Variants in RBFOX1 observed in about 807,000 individuals in gnomAD.
RBFOX1 encodes RNA binding fox-1 homolog 1.
In RBFOX1, 8 loss-of-function variants were observed where a neutral mutation model predicts 57.7. That is an observed-to-expected ratio of 0.14 (90% confidence interval 0.08 to 0.25). The LOEUF is 0.25. RBFOX1 is among the 10% of genes least tolerant of loss of function. The pLI, the probability that RBFOX1 is intolerant of heterozygous loss-of-function variation, is 1.00. For missense variants in RBFOX1, 611 were observed against 548.5 expected (o/e 1.11, Z -1.14); for synonymous variants, 326 against 222.4 (o/e 1.47, Z -4.15).
intron 2 of RBFOX1, among the ~76,000 whole-genome samples, chr16:6,581,660 C>G (rs1428529085): frequency 1.3e-5 from 2 of 152,178 alleles, no homozygotes; most frequent in Non-Finnish European, 2.9e-5. Flanking sequence ...ATCTATTGAT[C>G]CCCAAGCTGC....
intron 3 of RBFOX1, among the ~76,000 whole-genome samples, chr16:5,680,979 G>A (rs978501628): frequency 2.0e-5 from 3 of 151,884 alleles, no homozygotes; most frequent in Non-Finnish European, 4.4e-5. Flanking sequence ...AACTTGAGAT[G>A]TTTTAAGTGC....
intron 4 of RBFOX1, among the ~76,000 whole-genome samples, chr16:7,177,425 A>T (rs1301617842): frequency 2.0e-5 from 3 of 152,070 alleles, no homozygotes; most frequent in South Asian, 2.1e-4. Flanking sequence ...ATCCTTAAAC[A>T]TTCTATGCAT....
chr16:5,398,096 C>G (rs544957279), intron 1 of RBFOX1, among the ~76,000 whole-genome samples: 1 of 152,174 alleles, frequency 6.6e-6, no homozygotes, highest in Non-Finnish European at 1.5e-5. Flanking sequence ...TGAGATTCAA[C>G]CTAGACGAAG....
intron 3 of RBFOX1, among the ~76,000 whole-genome samples, chr16:5,860,558 G>T (rs1019573897): frequency 1.3e-5 from 2 of 152,128 alleles, no homozygotes; most frequent in Non-Finnish European, 2.9e-5. Flanking sequence ...AGTGTTTCCT[G>T]TTATCCCCAA....
At chr16:5,857,619 G>A (rs944093472) in intron 3 of RBFOX1, among the ~76,000 whole-genome samples, 98 of 152,264 alleles carry the variant, frequency 6.4e-4, no homozygotes, top group African/African-American at 2.2e-3. Flanking sequence ...TGAATCCCCT[G>A]TTGTTAGACA....
At chr16:6,765,140 G>C (rs2077155184) in intron 3 of RBFOX1, among the ~76,000 whole-genome samples, 1 of 152,070 alleles carries the variant, frequency 6.6e-6, no homozygotes, top group South Asian at 2.1e-4. Flanking sequence ...AAACGACAGG[G>C]AATCTGTGAA....
intron 4 of RBFOX1, among the ~76,000 whole-genome samples, chr16:7,203,274 A>G (rs1255359314): frequency 2.6e-5 from 4 of 152,220 alleles, no homozygotes; most frequent in Non-Finnish European, 4.4e-5. Context: ...TATTCTAAGT[A>G]AAATAAGCCA....
intron 1 of RBFOX1, among the ~76,000 whole-genome samples, chr16:5,402,407 G>A (rs1036553768): frequency 2.7e-4 from 41 of 152,166 alleles, no homozygotes; most frequent in African/African-American, 9.9e-4. Flanking sequence ...GACAAGACGT[G>A]AGAGGCCAGT....
At chr16:6,783,563 G>T (rs1483423398) in intron 3 of RBFOX1, among the ~76,000 whole-genome samples, 3 of 151,920 alleles carry the variant, frequency 2.0e-5, no homozygotes, top group Admixed American at 6.6e-5. Context: ...ATCTCCTGCA[G>T]TCTGACTTTT....
Position 5,779,997 on chromosome 16 carries a change from G to A in RBFOX1, c.319-87306G>A, listed in dbSNP as rs529323218. 9.8e-5 allele frequency among the ~76,000 whole-genome samples: 15 copies of A among 152,290 alleles called. No homozygotes were observed. The South Asian group carries it at 1.9e-3, about 19-fold the overall frequency. On this transcript the variant is annotated intron_variant, in intron 3 of 19. Transcript: ENST00000641259. ...AGAGTGCTGTATACCTTAAAAGCAT[G>A]TTTGCTATTATTATTGTTATTTTCA...
chr16:7,298,162 A>G (rs1317376078), intron 4 of RBFOX1, among the ~76,000 whole-genome samples: 2 of 151,572 alleles, frequency 1.3e-5, no homozygotes, highest in African/African-American at 2.4e-5. Context: ...CATGTCCTGT[A>G]CCTTGTTTTA....
chr16:5,939,808 G>A (rs13336190), intron 4 of RBFOX1, among the ~76,000 whole-genome samples: 1,546 of 152,272 alleles, frequency 0.01, 14 homozygotes, highest in Non-Finnish European at 0.018. Context: ...TTTTCATAAA[G>A]CCACAGCCAT....
intron 1 of RBFOX1, among the ~76,000 whole-genome samples, chr16:5,437,537 C>G (rs1037406364): frequency 6.6e-6 from 1 of 152,044 alleles, no homozygotes; most frequent in Admixed American, 6.5e-5. Context: ...ATAGATGAAT[C>G]TCTAAGAAGC....
At chr16:5,848,970 A>G (rs1567621055) in intron 3 of RBFOX1, among the ~76,000 whole-genome samples, 1 of 138,116 alleles carries the variant, frequency 7.2e-6, no homozygotes, top group African/African-American at 2.5e-5. Context: ...AAACAAAAAA[A>G]CAACAACAAA....
At chr16:6,285,132 A>G (rs1347784688) in intron 1 of RBFOX1, among the ~76,000 whole-genome samples, 1 of 152,168 alleles carries the variant, frequency 6.6e-6, no homozygotes, top group African/African-American at 2.4e-5. Flanking sequence ...AATTAAAAAT[A>G]ATGGCTAAAA....
At chr16:7,481,053 G>C (rs543728017) in intron 4 of RBFOX1, among the ~76,000 whole-genome samples, 1 of 152,244 alleles carries the variant, frequency 6.6e-6, no homozygotes, top group Admixed American at 6.5e-5. Context: ...AACATCCTGG[G>C]CTTGAATTCT....
At chr16:7,338,590 A>C (rs577298285) in intron 4 of RBFOX1, among the ~76,000 whole-genome samples, 1 of 152,184 alleles carries the variant, frequency 6.6e-6, no homozygotes, top group South Asian at 2.1e-4. Context: ...ATGAGGTCTC[A>C]TTATGTTGGC....
intron 4 of RBFOX1, among the ~76,000 whole-genome samples, chr16:7,076,895 G>A (rs974849415): frequency 1.1e-4 from 17 of 152,186 alleles, no homozygotes; most frequent in African/African-American, 3.9e-4. Context: ...TGAACAGACT[G>A]CTGGTTGTTG....
At chr16:6,878,383 T>A (rs72768894) in intron 3 of RBFOX1, among the ~76,000 whole-genome samples, 9 of 152,296 alleles carry the variant, frequency 5.9e-5, no homozygotes, top group African/African-American at 9.6e-5. Flanking sequence ...TCTGATATGG[T>A]GGCTAGAAAT....
Sources: gnomAD v4.1 joint callset for allele counts (sites outside exome capture counted in the v4.1 genomes callset) on GRCh38, gnomAD v4.1.1 for gene constraint, MANE v1.5 for transcripts, NCBI Gene and HGNC (gene_info 2026-07-23, HGNC 2026-07-21) for gene names.